The following EIF4ENIF1 variants were observed in gnomAD, a reference collection of about 807,000 sequenced individuals.
The protein encoded by EIF4ENIF1 is eukaryotic translation initiation factor 4E nuclear import factor 1, also known as eukaryotic translation initiation factor 4E transporter.
EIF4ENIF1 carries 23 observed loss-of-function variants against 110.5 expected under a neutral mutation model. That is an observed-to-expected ratio of 0.21 (90% CI 0.15 to 0.29). The LOEUF (loss-of-function observed/expected upper bound fraction) is 0.29. EIF4ENIF1 is among the 10% of genes least tolerant of loss of function. The pLI is 1.00. For synonymous variants in EIF4ENIF1, 440 were observed against 437.0 expected (o/e 1.01, Z -0.09); for missense variants, 1,031 against 1,221.1 (o/e 0.84, Z 2.32).
At chr22:31,469,541 G>A (rs759210670) in intron 3 of EIF4ENIF1, among the ~76,000 whole-genome samples, 5 of 152,196 alleles carry the variant, frequency 3.3e-5, no homozygotes, top group Non-Finnish European at 5.9e-5. Context: ...TTCTAGGGTA[G>A]TGGTGAGGAT....
intron 10 of EIF4ENIF1, among the ~76,000 whole-genome samples, chr22:31,452,898 A>G (rs1272570592): frequency 6.6e-6 from 1 of 152,126 alleles, no homozygotes; most frequent in African/African-American, 2.4e-5. Context: ...GAATAATGGA[A>G]CCTCTGTCTG....
chr22:31,476,306 G>A (rs1303921576), intron 2 of EIF4ENIF1, among the ~76,000 whole-genome samples: 4 of 152,118 alleles, frequency 2.6e-5, no homozygotes, highest in Non-Finnish European at 4.4e-5. Context: ...TAACTCCAAA[G>A]GTAACAGGGA....
chr22:31,475,953 T>TG (rs1421150012), intron 2 of EIF4ENIF1, among the ~76,000 whole-genome samples: 8 of 136,628 alleles, frequency 5.9e-5, no homozygotes, highest in Non-Finnish European at 9.4e-5. Context: ...ACTTTGGGGC[T>TG]GGGGGGAGGG....
intron 2 of EIF4ENIF1, among the ~76,000 whole-genome samples, chr22:31,478,937 G>C (rs1449771599): frequency 7.2e-6 from 1 of 139,138 alleles, no homozygotes; most frequent in East Asian, 2.3e-4. Flanking sequence ...GGGTGACACA[G>C]AGAGACTGTT....
intron 2 of EIF4ENIF1, among the ~76,000 whole-genome samples, chr22:31,477,458 T>G (rs561477642): frequency 1.3e-5 from 2 of 151,928 alleles, no homozygotes; most frequent in Admixed American, 1.3e-4. Context: ...CCTCTTAGAG[T>G]TATTGCTCTA....
intron 6 of EIF4ENIF1, among the ~76,000 whole-genome samples, chr22:31,460,374 C>T (rs1276995648): frequency 6.6e-6 from 1 of 152,208 alleles, no homozygotes; most frequent in African/African-American, 2.4e-5. Context: ...TGGTTCACGC[C>T]TATAATCTCA....
intron 14 of EIF4ENIF1, among the ~76,000 whole-genome samples, chr22:31,446,400 C>T (rs2050478854): frequency 6.6e-6 from 1 of 151,810 alleles, no homozygotes; most frequent in African/African-American, 2.4e-5. Context: ...GCAGACCAGT[C>T]TGGAGCTCTC....
intron 4 of EIF4ENIF1, among the ~76,000 whole-genome samples, chr22:31,466,728 G>C (rs1315949396): frequency 6.6e-6 from 1 of 151,980 alleles, no homozygotes. Flanking sequence ...TTTTGGTAAC[G>C]GTTTCACAGG....
At position 31,482,552 on chromosome 22, in the gene EIF4ENIF1, C is replaced by T. The variant is rs35333259; in HGVS notation, c.96+6071G>A. ...CAAAAATTAGCTGGGCATCATGGCACGTGCCTGTAATCCCAGCTACTCAGG... is the reference window on the plus strand; with the variant it reads ...CAAAAATTAGCTGGGCATCATGGCATGTGCCTGTAATCCCAGCTACTCAGG... On this transcript the variant is annotated intron_variant, in intron 2 of 18. Coordinates refer to ENST00000330125, the MANE Select transcript of EIF4ENIF1 (RefSeq NM_019843.4). Among the ~76,000 whole-genome samples the T allele has an allele frequency of 5.4e-3, 825 of 152,068 alleles. 9 individuals are homozygous for T. The highest frequency in any genetic ancestry group is 8.7e-3 in the Non-Finnish European group (589 of 67,994).
chr22:31,437,984 T>G (rs2050197819), downstream of EIF4ENIF1, among the ~76,000 whole-genome samples: 1 of 152,124 alleles, frequency 6.6e-6, no homozygotes, highest in Non-Finnish European at 1.5e-5. Flanking sequence ...AAAGCCAGGT[T>G]TTCTTGAAAG....
At chr22:31,451,465 G>A (rs1020188481) in intron 10 of EIF4ENIF1, among the ~76,000 whole-genome samples, 3 of 151,132 alleles carry the variant, frequency 2.0e-5, no homozygotes, top group Admixed American at 6.6e-5. Flanking sequence ...CAGTAGAGAC[G>A]GGGTTTCACC....
In EIF4ENIF1 at chr22:31,461,201, T is replaced by C. The variant is rs1437414143; in HGVS notation, c.787+1731A>G. Among the ~76,000 whole-genome samples the C allele has an allele frequency of 2.0e-5, 3 of 152,180 alleles. No individual in the cohort carries two copies. In the East Asian group the frequency reaches 5.8e-4, roughly 29 times the overall value. On this transcript the variant is annotated intron_variant, in intron 6 of 18. Transcript: ENST00000330125. ...AATTTTGTCAAAAATTATCCTTTTC[T>C]AAGCAGGAGCCCTAGTACTTTAACC...
chr22:31,468,561 A>G (rs978091905), intron 3 of EIF4ENIF1, among the ~76,000 whole-genome samples: 1 of 152,074 alleles, frequency 6.6e-6, no homozygotes, highest in African/African-American at 2.4e-5. Context: ...CATCTTGCTA[A>G]TTTTTGTATT....
chr22:31,481,313 C>A lies in EIF4ENIF1; in HGVS notation c.96+7310G>T, dbSNP rs902330718. 2.0e-4 allele frequency among the ~76,000 whole-genome samples: 28 copies of A among 139,244 alleles called. 1 individual carries two copies. The highest frequency in any genetic ancestry group is 1.9e-3 in the Admixed American group (25 of 13,194). The allele number at this position is 139,244 out of a possible 152,430, so 91.3% of individuals were successfully genotyped here. A position where few individuals can be genotyped will look rare whatever the true frequency, so the allele number is the denominator to read the frequency against. Reference sequence around the variant, plus strand: ...GAGTATCTGGGACCACAGGTGCACACCACCACCTCTGGCAATTTTTTTTTT... The same window carrying A: ...GAGTATCTGGGACCACAGGTGCACAACACCACCTCTGGCAATTTTTTTTTT... On this transcript the variant is annotated intron_variant, in intron 2 of 18. Transcript: ENST00000330125.
rs551771113 is a variant in EIF4ENIF1, at chr22:31,445,956, C to CCT, written c.1989-1267_1989-1266insAG. 5.4e-4 allele frequency among the ~76,000 whole-genome samples: 78 copies of CCT among 145,660 alleles called. 7 individuals are homozygous for CCT. In the South Asian group the frequency reaches 0.019, roughly 35 times the overall value. Reference sequence around the variant, plus strand: ...CTGTAAAATGCAGTTACGTACCGCCCCCCCCCCCCATCTACCTCACAGGGT... The same window carrying CCT: ...CTGTAAAATGCAGTTACGTACCGCCCCTCCCCCCCCCATCTACCTCACAGGGT... On this transcript the variant is annotated intron_variant, in intron 14 of 18. Coordinates refer to ENST00000330125, the MANE Select transcript of EIF4ENIF1 (RefSeq NM_019843.4).
intron 7 of EIF4ENIF1, among the ~76,000 whole-genome samples, chr22:31,458,190 T>C (rs2050885509): frequency 6.7e-6 from 1 of 149,856 alleles, no homozygotes; most frequent in African/African-American, 2.5e-5. Flanking sequence ...ATCGTGCCAC[T>C]GCACTTCAGC....
chr22:31,481,471 CTTAAA>C (rs149117690), intron 2 of EIF4ENIF1, among the ~76,000 whole-genome samples: 3,506 of 152,236 alleles, frequency 0.023, 121 homozygotes, highest in African/African-American at 0.079. Flanking sequence ...AATAGGTATC[CTTAAA>C]TTAGTTTAAG....
In EIF4ENIF1 at chr22:31,455,329, T is replaced by C; in HGVS notation, c.1100-14A>G. 6.6e-7 allele frequency: 1 copy of C among 1,518,632 alleles called. No homozygotes were observed. The highest frequency in any genetic ancestry group is 8.8e-7 in the Non-Finnish European group (1 of 1,133,028). The allele number at this position is 1,518,632 out of a possible 1,614,324, so 94.1% of individuals were successfully genotyped here. On this transcript the variant is annotated splice_polypyrimidine_tract_variant and intron_variant, in intron 8 of 18. Coordinates refer to ENST00000330125, the MANE Select transcript of EIF4ENIF1 (RefSeq NM_019843.4). ...CTTGCTCCAGACCTGATATTGCAAA[T>C]AAACATACTCAAAATTAATCTGTTC...
chr22:31,453,376 C>CTTTTT, intron 10 of EIF4ENIF1: 18 of 322,448 alleles, frequency 5.6e-5, no homozygotes, highest in East Asian at 1.8e-4. Flanking sequence ...ACCCATCTTA[C>CTTTTT]TTTTTTTTTT....
Sources: allele counts gnomAD v4.1 joint callset (sites outside exome capture counted in the v4.1 genomes callset), GRCh38; gene constraint gnomAD v4.1.1; transcripts MANE v1.5; gene names NCBI Gene and HGNC (gene_info 2026-07-23, HGNC 2026-07-21).